TUBA4A: variants seen among roughly 807,000 people sequenced by gnomAD.
The protein encoded by TUBA4A is tubulin alpha-4A chain.
Under a neutral mutation model 34.3 loss-of-function variants are expected in TUBA4A, and 23 were observed. The observed-to-expected ratio is 0.67, with a 90% CI of 0.48 to 0.95. TUBA4A has a LOEUF of 0.95. TUBA4A is among the 40% of genes least tolerant of loss of function. The probability of loss-of-function intolerance (pLI) is 0.00; values close to 1 mark genes in which losing one functional copy is unlikely to be tolerated. For synonymous variants in TUBA4A, 216 were observed against 230.5 expected (o/e 0.94, Z 0.57); for missense variants, 279 against 599.0 (o/e 0.47, Z 5.58).
rs1951662132 is a variant in TUBA4A at position 219,252,342 on chromosome 2, A to G, written c.4-112T>C. ...CAGCTAGGATGACTCAGTTGGCAAG[A>G]GTGGAGGGTTGGGGCTGGGCAGAGG... On this transcript the variant is annotated intron_variant, in intron 1 of 3. Coordinates refer to ENST00000248437, the MANE Select transcript of TUBA4A (RefSeq NM_006000.3). This position sits in a 1 kb window ranked among gnomAD's most constrained non-coding sequence, Gnocchi z 4.1. 3 of 1,077,146 alleles carry G rather than the reference A, an allele frequency of 2.8e-6. No individual in the cohort carries two copies. The highest frequency in any genetic ancestry group is 4.0e-6 in the Non-Finnish European group (3 of 741,090). 66.7% of individuals were successfully genotyped at this position (1,077,146 alleles called of 1,614,324 possible). A position where few individuals can be genotyped will look rare whatever the true frequency, so the allele number is the denominator to read the frequency against.
At position 219,252,669 on chromosome 2, in the gene TUBA4A, A is replaced by ACG. The variant is rs1456954140; in HGVS notation, c.4-441_4-440dup. On this transcript the variant is annotated intron_variant, in intron 1 of 3. Coordinates refer to ENST00000248437, the MANE Select transcript of TUBA4A (RefSeq NM_006000.3). This position sits in a 1 kb window ranked among gnomAD's most constrained non-coding sequence, Gnocchi z 4.1. ...ATCCAATCTGGCATCAACTGACCACACGCCATCAGGATGCCCTCCTCCCTC... is the reference window on the plus strand; with the variant it reads ...ATCCAATCTGGCATCAACTGACCACACGCGCCATCAGGATGCCCTCCTCCCTC... 1 of 429,584 alleles carries ACG rather than the reference A, an allele frequency of 2.3e-6. No individual in the cohort carries two copies. 26.6% of individuals were successfully genotyped at this position (429,584 alleles called of 1,614,324 possible).
rs1317321701 is a variant in TUBA4A at position 219,251,526 on chromosome 2, A to C, written c.375+39T>G. 6.2e-7 allele frequency: 1 copy of C among 1,601,870 alleles called. No homozygotes were observed. Among genetic ancestry groups the C allele is most frequent in the Non-Finnish European group, 8.5e-7 (1 of 1,171,780 alleles). On this transcript the variant is annotated intron_variant, in intron 3 of 3. Transcript: ENST00000248437. The surrounding 1 kb of genome is among the most constrained non-coding windows in gnomAD (Gnocchi z 6.1). The stretch of plus-strand genomic sequence containing the variant: ...AAAAAATATTCCTGACCATTAGCAC[A>C]GTCTCAAAAGTTCCCTCCCTCCCAA...
rs775703836 is a variant in TUBA4A, at chr2:219,251,318, G to C, written c.381C>G (p.Asp127Glu). The C allele has an allele frequency of 6.2e-7, 1 of 1,603,630 alleles. No homozygotes were observed. Among genetic ancestry groups the C allele is most frequent in the South Asian group, 1.1e-5 (1 of 90,152 alleles). Residue 127 changes from aspartate to glutamate, a missense_variant, in exon 4 of 4, where the codon GAC becomes GAG. Asp to Glu is a conservative substitution (Grantham distance 45). Transcript: ENST00000248437. This position sits in a 1 kb window ranked among gnomAD's most constrained non-coding sequence, Gnocchi z 6.1. ...GGAAGCCCTGAAGTCCTGTGCACTG[G>C]TCAGACTGAAAGGCAAGAACGAGAA... ...PVLDRIRKLS[D>E]QCTGLQGFLV...
In TUBA4A at chr2:219,250,412, C is replaced by T. The variant is rs201092237; in HGVS notation, c.1287G>A (p.Glu429=). ...CGATGCCCACCTCCTCATAATCCTT[C>T]TCCAGGGCAGCCATATCCTCACGGG... The part of the protein sequence containing the change: ...SEAREDMAAL[E]KDYEEVGIDS... Residue 429 remains glutamate, a synonymous_variant, in exon 4 of 4, where the codon GAG becomes GAA. Coordinates refer to ENST00000248437, the MANE Select transcript of TUBA4A (RefSeq NM_006000.3). This position sits in a 1 kb window ranked among gnomAD's most constrained non-coding sequence, Gnocchi z 8.4. The T allele has an allele frequency of 1.2e-6, 2 of 1,614,210 alleles. No homozygotes were observed. The highest frequency in any genetic ancestry group is 1.3e-5 in the African/African-American group (1 of 75,058).
At position 219,251,477 on chromosome 2, in the gene TUBA4A, G is replaced by A; in HGVS notation, c.375+88C>T. ...ACACTCGAGACCATGTATAGTTAGAGATGACCTCCTGAAAGGATCTGAAAA... is the reference window on the plus strand; with the variant it reads ...ACACTCGAGACCATGTATAGTTAGAAATGACCTCCTGAAAGGATCTGAAAA... On this transcript the variant is annotated intron_variant, in intron 3 of 3. Coordinates refer to ENST00000248437, the MANE Select transcript of TUBA4A (RefSeq NM_006000.3). The surrounding 1 kb of genome is among the most constrained non-coding windows in gnomAD (Gnocchi z 6.1). 6.4e-7 allele frequency: 1 copy of A among 1,552,518 alleles called. No individual in the cohort carries two copies. The highest frequency in any genetic ancestry group is 8.7e-7 in the Non-Finnish European group (1 of 1,144,048).
Position 219,251,923 on chromosome 2 carries a change from T to C in TUBA4A, c.226+85A>G. On this transcript the variant is annotated intron_variant, in intron 2 of 3. Coordinates refer to ENST00000248437, the MANE Select transcript of TUBA4A (RefSeq NM_006000.3). The surrounding 1 kb of genome is among the most constrained non-coding windows in gnomAD (Gnocchi z 6.1). Reference sequence around the variant, plus strand: ...GGCTAGGAATTTTCAGGGCTAGGAATGCCTGGTCTAAATACCCTCTCTCTC... The same window carrying C: ...GGCTAGGAATTTTCAGGGCTAGGAACGCCTGGTCTAAATACCCTCTCTCTC... The C allele has an allele frequency of 1.4e-6, 2 of 1,458,380 alleles. No individual in the cohort carries two copies. The highest frequency in any genetic ancestry group is 1.9e-6 in the Non-Finnish European group (2 of 1,057,138). The allele number at this position is 1,458,380 out of a possible 1,614,324, so 90.3% of individuals were successfully genotyped here.
Position 219,252,601 on chromosome 2 carries a change from C to T in TUBA4A, c.4-371G>A, listed in dbSNP as rs1951666628. ...ATGAACAGCTAGAATTCATAGAACC[C>T]TTTCCCTCTTTCTTTCCTGTAAGCT... On this transcript the variant is annotated intron_variant, in intron 1 of 3. Transcript: ENST00000248437. The surrounding 1 kb of genome is among the most constrained non-coding windows in gnomAD (Gnocchi z 4.1). Among the ~76,000 whole-genome samples the T allele has an allele frequency of 1.3e-5, 2 of 151,522 alleles. No individual in the cohort carries two copies.
rs757609748 is a variant in TUBA4A at position 219,250,556 on chromosome 2, C to T, written c.1143G>A (p.Thr381=). ...GGGCCCAGGCCTCGGCGATGGCGGT[C>T]GTGTTGCTCAGCATGCACACGGCAC... is the stretch of plus-strand genomic sequence containing the variant. The part of the protein sequence containing the change: ...VQRAVCMLSN[T]TAIAEAWARL... The change falls in exon 4 of 4, where the codon ACG becomes ACA. Residue 381 remains threonine, a synonymous_variant. Transcript: ENST00000248437. The surrounding 1 kb of genome is among the most constrained non-coding windows in gnomAD (Gnocchi z 8.4). 17 of 1,614,066 alleles carry T rather than the reference C, an allele frequency of 1.1e-5. No individual in the cohort carries two copies. The highest frequency in any genetic ancestry group is 6.6e-5 in the South Asian group (6 of 91,086).
Position 219,250,395 on chromosome 2 carries a change from ACCT to A in TUBA4A, c.1301_1303del (p.Glu434del). The A allele has an allele frequency of 6.2e-7, 1 of 1,613,968 alleles. No homozygotes were observed. The highest frequency in any genetic ancestry group is 8.5e-7 in the Non-Finnish European group (1 of 1,179,922). ...CTCGTCCTCATAGGAGTCGATGCCC[ACCT>A]CCTCATAATCCTTCTCCAGGGCAGC... is the stretch of plus-strand genomic sequence containing the variant. On this transcript the variant is annotated inframe_deletion, in exon 4 of 4. Transcript: ENST00000248437. The surrounding 1 kb of genome is among the most constrained non-coding windows in gnomAD (Gnocchi z 8.4).
chr2:219,251,424 C>A lies in TUBA4A; in HGVS notation c.376-101G>T. 2 of 1,537,426 alleles carry A rather than the reference C, an allele frequency of 1.3e-6. No individual in the cohort carries two copies. The highest frequency in any genetic ancestry group is 2.3e-5 in the East Asian group (1 of 44,210). ...GCGTAAGATACATCAGCAGTCAGGG[C>A]AAATACTGAGGATGCCATAGCAGCA... On this transcript the variant is annotated intron_variant, in intron 3 of 3. Transcript: ENST00000248437. This position sits in a 1 kb window ranked among gnomAD's most constrained non-coding sequence, Gnocchi z 6.1.
Position 219,252,340 on chromosome 2 carries a change from A to G in TUBA4A, c.4-110T>C. 9 of 1,089,642 alleles carry G rather than the reference A, an allele frequency of 8.3e-6. No homozygotes were observed. The highest frequency in any genetic ancestry group is 1.2e-5 in the Non-Finnish European group (9 of 751,552). 67.5% of individuals were successfully genotyped at this position (1,089,642 alleles called of 1,614,324 possible). Reference sequence around the variant, plus strand: ...ACCAGCTAGGATGACTCAGTTGGCAAGAGTGGAGGGTTGGGGCTGGGCAGA... The same window carrying G: ...ACCAGCTAGGATGACTCAGTTGGCAGGAGTGGAGGGTTGGGGCTGGGCAGA... On this transcript the variant is annotated intron_variant, in intron 1 of 3. Transcript: ENST00000248437. This position sits in a 1 kb window ranked among gnomAD's most constrained non-coding sequence, Gnocchi z 4.1.
At position 219,251,985 on chromosome 2, in the gene TUBA4A, A is replaced by G; in HGVS notation, c.226+23T>C. 3.1e-6 allele frequency: 5 copies of G among 1,610,546 alleles called. No individual in the cohort carries two copies. The highest frequency in any genetic ancestry group is 4.2e-6 in the Non-Finnish European group (5 of 1,176,938). ...TTTGAGTCATGCTCCACCCCCTTCAATTTTGTCCCCACTTCCTCTCACCAA... is the reference window on the plus strand; with the variant it reads ...TTTGAGTCATGCTCCACCCCCTTCAGTTTTGTCCCCACTTCCTCTCACCAA... On this transcript the variant is annotated intron_variant, in intron 2 of 3. Coordinates refer to ENST00000248437, the MANE Select transcript of TUBA4A (RefSeq NM_006000.3). The surrounding 1 kb of genome is among the most constrained non-coding windows in gnomAD (Gnocchi z 6.1).
In TUBA4A at chr2:219,251,670, C is replaced by G; in HGVS notation, c.270G>C (p.Glu90Asp). ...CATCCTCTTTCCCAGTGATGAGCTG[C>G]TCTGGGTGGAAGAGCTGTCGGTATG... ...NGPYRQLFHP[E>D]QLITGKEDAA... The change falls in exon 3 of 4, where the codon GAG (glutamate) becomes GAC (aspartate). Residue 90 changes from glutamate to aspartate, a missense_variant. By Grantham distance (45) the Glu-to-Asp change is conservative. Coordinates refer to ENST00000248437, the MANE Select transcript of TUBA4A (RefSeq NM_006000.3). This position sits in a 1 kb window ranked among gnomAD's most constrained non-coding sequence, Gnocchi z 6.1. 3.7e-6 allele frequency: 6 copies of G among 1,614,112 alleles called. No individual in the cohort carries two copies. Among genetic ancestry groups the G allele is most frequent in the Non-Finnish European group, 4.2e-6 (5 of 1,179,980 alleles).
In TUBA4A at chr2:219,252,715, T is replaced by C; in HGVS notation, c.4-485A>G. 2 of 456,432 alleles carry C rather than the reference T, an allele frequency of 4.4e-6. No homozygotes were observed. Among genetic ancestry groups the C allele is most frequent in the Non-Finnish European group, 9.2e-6 (2 of 216,714 alleles). The allele number at this position is 456,432 out of a possible 1,614,324, so 28.3% of individuals were successfully genotyped here. On this transcript the variant is annotated intron_variant, in intron 1 of 3. Coordinates refer to ENST00000248437, the MANE Select transcript of TUBA4A (RefSeq NM_006000.3). This position sits in a 1 kb window ranked among gnomAD's most constrained non-coding sequence, Gnocchi z 4.1. The stretch of plus-strand genomic sequence containing the variant: ...CCCTCACCTTTAAATCCCATCTGGC[T>C]CTGGGGATCAATCCCATCTGGCTCC...
At position 219,251,953 on chromosome 2, in the gene TUBA4A, G is replaced by A; in HGVS notation, c.226+55C>T. On this transcript the variant is annotated intron_variant, in intron 2 of 3. Coordinates refer to ENST00000248437, the MANE Select transcript of TUBA4A (RefSeq NM_006000.3). The surrounding 1 kb of genome is among the most constrained non-coding windows in gnomAD (Gnocchi z 6.1). ...GGTCTAAATACCCTCTCTCTCCAGG[G>A]AGAAGCTTTGAGTCATGCTCCACCC... 1.3e-6 allele frequency: 2 copies of A among 1,561,076 alleles called. No individual in the cohort carries two copies. The highest frequency in any genetic ancestry group is 1.8e-6 in the Non-Finnish European group (2 of 1,134,850).
chr2:219,251,349 A>C lies in TUBA4A; in HGVS notation c.376-26T>G. 1 of 1,575,328 alleles carries C rather than the reference A, an allele frequency of 6.3e-7. No individual in the cohort carries two copies. Among genetic ancestry groups the C allele is most frequent in the African/African-American group, 1.4e-5 (1 of 73,952 alleles). ...CTGAAAGGCAAGAACGAGAAAGAAC[A>C]GTTTAGGTAGGGGAGGGGCCTGAGG... On this transcript the variant is annotated intron_variant, in intron 3 of 3. Coordinates refer to ENST00000248437, the MANE Select transcript of TUBA4A (RefSeq NM_006000.3). The surrounding 1 kb of genome is among the most constrained non-coding windows in gnomAD (Gnocchi z 6.1).
upstream of TUBA4A, chr2:219,254,074 A>G: frequency 2.2e-6 from 1 of 449,966 alleles, no homozygotes; most frequent in Non-Finnish European, 4.0e-6. Flanking sequence ...ACCCTCCCCA[A>G]GCTGCGCGGG....
rs147351423 is a variant in TUBA4A at position 219,250,700 on chromosome 2, G to A, written c.999C>T (p.Ala333=). 9.9e-4 allele frequency: 1,595 copies of A among 1,614,202 alleles called. 8 individuals carry two copies. The highest frequency in any genetic ancestry group is 6.3e-3 in the Middle Eastern group (38 of 6,062). Residue 333 remains alanine, a synonymous_variant, in exon 4 of 4, where the codon GCC becomes GCT. Transcript: ENST00000248437. The surrounding 1 kb of genome is among the most constrained non-coding windows in gnomAD (Gnocchi z 8.4). The part of the protein sequence containing the change: ...VVPKDVNAAI[A]AIKTKRSIQF... ...GAATGCTGCGCTTGGTCTTGATGGCGGCAATGGCAGCGTTGACATCCTTGG... is the reference window on the plus strand; with the variant it reads ...GAATGCTGCGCTTGGTCTTGATGGCAGCAATGGCAGCGTTGACATCCTTGG...
chr2:219,251,220 T>A lies in TUBA4A; in HGVS notation c.479A>T (p.Asp160Val), dbSNP rs1168935873. ...TSLLMERLSV[D>V]YGKKSKLEFS... ...TTCCAGCTTGGATTTCTTGCCATAGTCAACAGAGAGCCGCTCCATCAGGAG... is the reference window on the plus strand; with the variant it reads ...TTCCAGCTTGGATTTCTTGCCATAGACAACAGAGAGCCGCTCCATCAGGAG... The change falls in exon 4 of 4, where the codon GAC (aspartate) becomes GTC (valine). Residue 160 changes from aspartate to valine, a missense_variant. This residue lies in a region of TUBA4A where 108 missense variants were observed against 299.9 expected (regional missense o/e 0.36). Coordinates refer to ENST00000248437, the MANE Select transcript of TUBA4A (RefSeq NM_006000.3). The surrounding 1 kb of genome is among the most constrained non-coding windows in gnomAD (Gnocchi z 6.1). The A allele has an allele frequency of 6.2e-7, 1 of 1,614,030 alleles. No individual in the cohort carries two copies. The highest frequency in any genetic ancestry group is 8.5e-7 in the Non-Finnish European group (1 of 1,180,018).
Sources: gnomAD v4.1 joint callset for allele counts (sites outside exome capture counted in the v4.1 genomes callset) on GRCh38, gnomAD v4.1.1 for gene constraint, gnomAD v4.1.1 regional missense constraint, Gnocchi (gnomAD v3.1) non-coding constraint, MANE v1.5 for transcripts, NCBI Gene and HGNC (gene_info 2026-07-23, HGNC 2026-07-21) for gene names.